Variants in TBL1X observed in about 807,000 individuals in gnomAD.
TBL1X encodes the protein F-box-like/WD repeat-containing protein TBL1X.
TBL1X carries 10 observed loss-of-function variants against 50.7 expected under a neutral mutation model. The observed-to-expected ratio is 0.20, with a 90% confidence interval of 0.12 to 0.33. The LOEUF (loss-of-function observed/expected upper bound fraction) is 0.33. TBL1X is among the 10% of genes least tolerant of loss of function. The probability of loss-of-function intolerance (pLI) is 1.00; values close to 1 mark genes in which losing one functional copy is unlikely to be tolerated. For synonymous variants in TBL1X, 190 were observed against 214.7 expected (o/e 0.88, Z 1.01); for missense variants, 340 against 504.4 (o/e 0.67, Z 3.12).
chrX:9,640,097 T>C (rs1463508424), intron 2 of TBL1X, among the ~76,000 whole-genome samples, 176 bp from the exon 3 acceptor site: 1 of 111,903 alleles, frequency 8.9e-6, no homozygotes, highest in Non-Finnish European at 1.9e-5. Context: ...TCTTTCACTT[T>C]GCAAACAAAA....
At chrX:9,548,018 G>A (rs909875704) in intron 2 of TBL1X, among the ~76,000 whole-genome samples, 2 of 104,832 alleles carry the variant, frequency 1.9e-5, no homozygotes, top group Admixed American at 2.1e-4. Context: ...AAATTTTTAC[G>A]TTGGTGCTGC....
Position 9,716,462 on chromosome X carries a change from G to T in TBL1X, c.*216G>T. ...AAAACAGAAGCAAATCATATCAAAC[G>T]GGGATAGAATGGTTTCCACTGAGGA... On this transcript the variant is annotated 3_prime_UTR_variant, in exon 18 of 18. Coordinates refer to ENST00000645353, the MANE Select transcript of TBL1X (RefSeq NM_005647.4). 1 of 378,189 alleles carries T rather than the reference G, an allele frequency of 2.6e-6. No individual in the cohort carries two copies. The highest frequency in any genetic ancestry group is 4.6e-6 in the Non-Finnish European group (1 of 217,888). The allele number at this position is 378,189 out of a possible 1,213,427, so 31.2% of individuals were successfully genotyped here.
At chrX:9,711,204 C>T (rs112263718) in intron 15 of TBL1X, among the ~76,000 whole-genome samples, 1,923 of 108,626 alleles carry the variant, frequency 0.018, 44 homozygotes, top group African/African-American at 0.061. Flanking sequence ...AAAAATTAGC[C>T]GGGTGTGGAC....
At chrX:9,512,861 T>G (rs1323621435) in intron 2 of TBL1X, among the ~76,000 whole-genome samples, 1 of 111,581 alleles carries the variant, frequency 9.0e-6, no homozygotes, top group Non-Finnish European at 1.9e-5. Context: ...AGGGAAAGAT[T>G]GAGTTCCGTG....
intron 7 of TBL1X, among the ~76,000 whole-genome samples, chrX:9,690,522 A>C (rs2083090344): frequency 9.0e-6 from 1 of 111,122 alleles, no homozygotes; most frequent in South Asian, 3.8e-4. Flanking sequence ...ACCTCCTTTT[A>C]CCCTGCTCAC....
chrX:9,479,787 C>T (rs1328648617), intron 1 of TBL1X, among the ~76,000 whole-genome samples: 1 of 111,849 alleles, frequency 8.9e-6, no homozygotes, highest in African/African-American at 3.3e-5. Context: ...TGGGAAGAAT[C>T]ATGGGTTCTG....
At chrX:9,574,718 C>G (rs1439400721) in intron 2 of TBL1X, among the ~76,000 whole-genome samples, 1 of 111,210 alleles carries the variant, frequency 9.0e-6, no homozygotes, top group Non-Finnish European at 1.9e-5. Context: ...CCCCTCACTC[C>G]TGCCTCTGCT....
intron 1 of TBL1X, among the ~76,000 whole-genome samples, chrX:9,490,319 G>T (rs2081934476): frequency 9.0e-6 from 1 of 111,666 alleles, no homozygotes; most frequent in African/African-American, 3.3e-5. Flanking sequence ...TTAGAGCCCT[G>T]TTCTCACCTG....
intron 1 of TBL1X, among the ~76,000 whole-genome samples, chrX:9,499,998 C>G (rs750209690): frequency 9.3e-6 from 1 of 107,778 alleles, no homozygotes; most frequent in Non-Finnish European, 1.9e-5. Context: ...AAAAGAACTG[C>G]TCTTGGCTGG....
intron 13 of TBL1X, 85 bp downstream of exon 13, chrX:9,705,199 A>G (rs1212270736): frequency 4.2e-6 from 5 of 1,180,093 alleles, no homozygotes; most frequent in South Asian, 1.8e-5. Flanking sequence ...ATTAAAAGCT[A>G]CTGCAGCAGC....
intron 2 of TBL1X, among the ~76,000 whole-genome samples, chrX:9,631,973 G>A (rs888907968): frequency 8.9e-6 from 1 of 112,384 alleles, no homozygotes; most frequent in African/African-American, 3.2e-5. Context: ...TTTCATCTGA[G>A]TGTAGAGTTT....
At chrX:9,704,946 G>A (rs1315018158) in intron 12 of TBL1X, 47 bp from the exon 13 acceptor site, 36 of 1,208,329 alleles carry the variant, frequency 3.0e-5, no homozygotes, top group Non-Finnish European at 4.0e-5. Context: ...AATCCATGGA[G>A]CTGTGCAACA....
intron 16 of TBL1X, 130 bp downstream of exon 16, chrX:9,711,906 G>T (rs919828662): frequency 1.3e-5 from 9 of 715,423 alleles, no homozygotes; most frequent in Middle Eastern, 5.2e-4. Flanking sequence ...GGCAGACCCA[G>T]TGGATGCTGT....
At chrX:9,632,358 G>A (rs2082725872) in intron 2 of TBL1X, among the ~76,000 whole-genome samples, 1 of 111,644 alleles carries the variant, frequency 9.0e-6, no homozygotes, top group Non-Finnish European at 1.9e-5. Flanking sequence ...TTAGCTTACC[G>A]CAACCTCCGC....
At chrX:9,629,956 C>G (rs73188215) in intron 2 of TBL1X, among the ~76,000 whole-genome samples, 1 of 110,947 alleles carries the variant, frequency 9.0e-6, no homozygotes, top group Non-Finnish European at 1.9e-5. Flanking sequence ...CTACTACCCC[C>G]GTCCAAGCAC....
chrX:9,655,978 G>A (rs1365211730), intron 5 of TBL1X, among the ~76,000 whole-genome samples: 5 of 112,791 alleles, frequency 4.4e-5, no homozygotes, highest in African/African-American at 1.3e-4. Flanking sequence ...TGTCCCTTGC[G>A]CTCCCAGCTA....
intron 2 of TBL1X, among the ~76,000 whole-genome samples, chrX:9,609,019 C>T (rs760235180): frequency 1.8e-4 from 20 of 111,488 alleles, no homozygotes; most frequent in Admixed American, 1.4e-3. Context: ...GGTGACTGGG[C>T]GGGGGTTGGT....
chrX:9,531,772 G>A (rs921793601), intron 2 of TBL1X, among the ~76,000 whole-genome samples: 2 of 107,986 alleles, frequency 1.9e-5, no homozygotes, highest in South Asian at 4.2e-4. Context: ...TCATTCTGTC[G>A]CCCAGACTGG....
chrX:9,630,214 C>T (rs932233423), intron 2 of TBL1X, among the ~76,000 whole-genome samples: 4 of 111,772 alleles, frequency 3.6e-5, no homozygotes, highest in African/African-American at 6.5e-5. Flanking sequence ...TAATTCTCTA[C>T]CAAAGGCATC....
Sources: gnomAD v4.1 joint callset for allele counts (sites outside exome capture counted in the v4.1 genomes callset) on GRCh38, gnomAD v4.1.1 for gene constraint, MANE v1.5 for transcripts, NCBI Gene and HGNC (gene_info 2026-07-23, HGNC 2026-07-21) for gene names.